Variants in MFN2 observed in about 807,000 individuals in gnomAD.
The protein encoded by MFN2 is mitofusin 2, also known as mitofusin-2.
MFN2 carries 43 observed loss-of-function variants against 87.5 expected under a neutral mutation model. That is an observed-to-expected ratio of 0.49 (90% CI 0.38 to 0.63). The LOEUF is 0.63. Among genes scored for constraint, MFN2 ranks in the 30% least tolerant of loss-of-function variants. MFN2 has a pLI of 0.00. For missense variants in MFN2, 743 were observed against 972.8 expected (o/e 0.76, Z 3.14); for synonymous variants, 337 against 359.9 (o/e 0.94, Z 0.72).
chr1:11,996,649 G>A (rs1207857185), intron 5 of MFN2, among the ~76,000 whole-genome samples: 1 of 152,150 alleles, frequency 6.6e-6, no homozygotes, highest in African/African-American at 2.4e-5. Context: ...TGCATTTGCT[G>A]TGTGTCTCTG....
In MFN2 at chr1:12,005,944, C is replaced by T. The variant is rs774563611; in HGVS notation, c.1716+13C>T. ...CTACAATGACCAGGCAAGCAAAGTT[C>T]CTCACCTCAAGGGCATTGTGGGGGG... is the stretch of plus-strand genomic sequence containing the variant. On this transcript the variant is annotated intron_variant, in intron 15 of 18. Transcript: ENST00000235329. 3.1e-6 allele frequency: 5 copies of T among 1,612,184 alleles called. No homozygotes were observed. In the South Asian group the frequency reaches 5.5e-5, roughly 18 times the overall value.
intron 18 of MFN2, 111 bp from the exon 19 acceptor site, chr1:12,011,385 G>C: frequency 9.1e-7 from 1 of 1,099,674 alleles, no homozygotes; most frequent in Admixed American, 1.9e-5. Flanking sequence ...ACGATTGTTG[G>C]AGGATGATGT....
intron 6 of MFN2, among the ~76,000 whole-genome samples, chr1:11,998,026 GGT>G (rs1491460690): frequency 2.6e-5 from 4 of 151,018 alleles, no homozygotes; most frequent in Admixed American, 6.6e-5. Flanking sequence ...TGGGATTACA[GGT>G]GCCCGCCACC....
chr1:12,005,373 G>A (rs1208769003), intron 14 of MFN2, among the ~76,000 whole-genome samples: 3 of 152,186 alleles, frequency 2.0e-5, no homozygotes, highest in Non-Finnish European at 4.4e-5. Context: ...ATGAGCCACC[G>A]GCCCTGGCCT....
At chr1:11,989,096 C>A in intron 2 of MFN2, 69 bp from the exon 3 acceptor site, 1 of 1,539,228 alleles carries the variant, frequency 6.5e-7, no homozygotes, top group Non-Finnish European at 8.9e-7. Context: ...CAAAGCATTC[C>A]GCCATCTCCC....
At position 11,997,561 on chromosome 1, in the gene MFN2, C is replaced by A. The variant is rs1435941391; in HGVS notation, c.599+140C>A. On this transcript the variant is annotated intron_variant, in intron 6 of 18. Transcript: ENST00000235329. The stretch of plus-strand genomic sequence containing the variant: ...ACCTTTCAGATGGGCTCAACCAAAT[C>A]CTCTGGCCTCTTGGCTTTCCTCTGG... 4.3e-6 allele frequency: 5 copies of A among 1,173,246 alleles called. No individual in the cohort carries two copies. The Admixed American group carries it at 1.0e-4, about 23-fold the overall frequency. 72.7% of individuals were successfully genotyped at this position (1,173,246 alleles called of 1,614,324 possible).
Position 11,997,286 on chromosome 1 carries a change from T to A in MFN2, c.475-11T>A. 1 of 1,614,074 alleles carries A rather than the reference T, an allele frequency of 6.2e-7. No individual in the cohort carries two copies. ...CTCCTCAGCCTCTTTCTTTCCTTCC[T>A]CTGCCATCAGACTGTGAACCAGCTG... is the stretch of plus-strand genomic sequence containing the variant. On this transcript the variant is annotated splice_polypyrimidine_tract_variant and intron_variant, in intron 5 of 18. Coordinates refer to ENST00000235329, the MANE Select transcript of MFN2 (RefSeq NM_014874.4).
intron 2 of MFN2, among the ~76,000 whole-genome samples, chr1:11,985,760 G>C (rs895467761): frequency 1.3e-5 from 2 of 152,122 alleles, no homozygotes; most frequent in Non-Finnish European, 1.5e-5. Flanking sequence ...GAGCCACCGT[G>C]CCTGACCCCT....
intron 17 of MFN2, among the ~76,000 whole-genome samples, chr1:12,008,128 G>A (rs1264217172): frequency 6.6e-6 from 1 of 152,156 alleles, no homozygotes; most frequent in Non-Finnish European, 1.5e-5. Context: ...AGAACAAAAT[G>A]GAGTCTCCTA....
chr1:12,013,484 T>C lies in MFN2; in HGVS notation c.*1919T>C. On this transcript the variant is annotated 3_prime_UTR_variant, in exon 19 of 19. Coordinates refer to ENST00000235329, the MANE Select transcript of MFN2 (RefSeq NM_014874.4). ...TATCATTGCTCATAATATTGGAAAC[T>C]AAAATAAAACCTAGTTGGAAATCCT... 2.5e-6 allele frequency: 1 copy of C among 397,870 alleles called. No homozygotes were observed. Among genetic ancestry groups the C allele is most frequent in the East Asian group, 8.4e-5 (1 of 11,936 alleles). 24.6% of individuals were successfully genotyped at this position (397,870 alleles called of 1,614,324 possible). A position where few individuals can be genotyped will look rare whatever the true frequency, so the allele number is the denominator to read the frequency against.
chr1:12,007,367 AC>A, intron 17 of MFN2, 118 bp downstream of exon 17: 1 of 1,292,384 alleles, frequency 7.7e-7, no homozygotes, highest in Non-Finnish European at 1.1e-6. Context: ...AGCATCGTAG[AC>A]CCTGGGCCTT....
In MFN2 at chr1:12,007,167, C is replaced by T. The variant is rs369762154; in HGVS notation, c.1987C>T (p.Arg663Cys). Residue 663 changes from arginine (R) to cysteine (C), a missense_variant, in exon 17 of 19, where the codon CGC becomes TGC. This residue lies in a region of MFN2 where 571 missense variants were observed against 670.7 expected (regional missense o/e 0.85). Coordinates refer to ENST00000235329, the MANE Select transcript of MFN2 (RefSeq NM_014874.4). Reference protein sequence around the residue: ...TTKAKERAFKRQFVEHASEKL... With the variant: ...TTKAKERAFKCQFVEHASEKL... ...CAAGGCCAAGGAGAGGGCCTTCAAG[C>T]GCCAGTTTGTGGAGCATGCCAGCGA... is the stretch of plus-strand genomic sequence containing the variant. 1.4e-4 allele frequency: 223 copies of T among 1,614,192 alleles called. No homozygotes were observed. Among genetic ancestry groups the T allele is most frequent in the South Asian group, 3.6e-4 (33 of 91,082 alleles).
rs1381174088 is a variant in MFN2, at chr1:12,004,623, G to A, written c.1392+10G>A. 6.2e-7 allele frequency: 1 copy of A among 1,611,714 alleles called. No homozygotes were observed. Among genetic ancestry groups the A allele is most frequent in the Non-Finnish European group, 8.5e-7 (1 of 1,177,816 alleles). On this transcript the variant is annotated intron_variant, in intron 13 of 18. Transcript: ENST00000235329. The surrounding 1 kb of genome is among the most constrained non-coding windows in gnomAD (Gnocchi z 4.2). ...CAAGGTTTATAAGAATGTGAGTCAT[G>A]GAGCAACAGGTCCTCTTGGCAGGAG... is the stretch of plus-strand genomic sequence containing the variant.
chr1:11,988,054 C>G (rs1303447449), intron 2 of MFN2, among the ~76,000 whole-genome samples: 1 of 151,260 alleles, frequency 6.6e-6, no homozygotes, highest in Non-Finnish European at 1.5e-5. Context: ...TGTAGCACAC[C>G]TGTGCTATAC....
At chr1:11,994,723 C>G (rs1011565153) in intron 4 of MFN2, among the ~76,000 whole-genome samples, 2 of 152,214 alleles carry the variant, frequency 1.3e-5, no homozygotes, top group African/African-American at 4.8e-5. Flanking sequence ...GTGTGGTCCT[C>G]TACTCCTCTG....
chr1:12,004,082 GC>G lies in MFN2; in HGVS notation c.1252del (p.Arg418GlufsTer40). ...LELLAQDYKL[R>X]IKQITEEVER... ...AGCTCTTGGCTCAAGACTATAAGCTGCGAATTAAGCAGATTACGGAGGAAGT... is the reference window on the plus strand; with the variant it reads ...AGCTCTTGGCTCAAGACTATAAGCTGGAATTAAGCAGATTACGGAGGAAGT... On this transcript the variant is annotated frameshift_variant, in exon 12 of 19. Transcript: ENST00000235329. LOFTEE classifies it high-confidence loss of function. The surrounding 1 kb of genome is among the most constrained non-coding windows in gnomAD (Gnocchi z 4.2). The G allele has an allele frequency of 6.2e-7, 1 of 1,614,198 alleles. No individual in the cohort carries two copies. Among genetic ancestry groups the G allele is most frequent in the Non-Finnish European group, 8.5e-7 (1 of 1,180,044 alleles).
chr1:12,004,823 A>G lies in MFN2; in HGVS notation c.1393-2A>G. Reference sequence around the variant, plus strand: ...CTCTTAACTTCCCTCTTCTGGTGGCAGGAGCTGCACCGCCACATAGAGGAA... The same window carrying G: ...CTCTTAACTTCCCTCTTCTGGTGGCGGGAGCTGCACCGCCACATAGAGGAA... On this transcript the variant is annotated splice_acceptor_variant, in intron 13 of 18. Transcript: ENST00000235329. LOFTEE classifies it high-confidence loss of function. This position sits in a 1 kb window ranked among gnomAD's most constrained non-coding sequence, Gnocchi z 4.2. 6.2e-7 allele frequency: 1 copy of G among 1,613,292 alleles called. No individual in the cohort carries two copies. The highest frequency in any genetic ancestry group is 8.5e-7 in the Non-Finnish European group (1 of 1,179,356).
At chr1:11,988,890 G>A (rs550239589) in intron 2 of MFN2, among the ~76,000 whole-genome samples, 1 of 151,328 alleles carries the variant, frequency 6.6e-6, no homozygotes, top group African/African-American at 2.4e-5. Context: ...TAGTAGAGAC[G>A]GGGGTTTCAC....
At chr1:12,007,770 CTTTCTTTTTTTTT>C (rs1639485942) in intron 17 of MFN2, among the ~76,000 whole-genome samples, 1 of 151,528 alleles carries the variant, frequency 6.6e-6, no homozygotes, top group African/African-American at 2.4e-5. Flanking sequence ...CTTTTTCTTT[CTTTCTTTTTTTTT>C]TAATTGATCA....
Sources: allele counts gnomAD v4.1 joint callset (sites outside exome capture counted in the v4.1 genomes callset), GRCh38; gene constraint gnomAD v4.1.1; regional missense constraint gnomAD v4.1.1; non-coding constraint Gnocchi (gnomAD v3.1); transcripts MANE v1.5; gene names NCBI Gene and HGNC (gene_info 2026-07-23, HGNC 2026-07-21).